WWC1: variants seen among roughly 807,000 people sequenced by gnomAD.
WWC1 encodes WW and C2 domain containing 1.
In WWC1, 55 loss-of-function variants were observed where a neutral mutation model predicts 138.4. The ratio of observed to expected loss-of-function variants is 0.40; its 90% CI spans 0.32 to 0.50. The LOEUF (loss-of-function observed/expected upper bound fraction) is 0.50. Among genes scored for constraint, WWC1 ranks in the 20% least tolerant of loss-of-function variants. The pLI is 0.72. For synonymous variants in WWC1, 524 were observed against 564.9 expected, an observed-to-expected ratio of 0.93 and a Z score of 1.03; for missense variants, 1,226 against 1,420.4, an observed-to-expected ratio of 0.86 and a Z score of 2.20.
chr5:168,332,632 A>G (rs914428979), intron 1 of WWC1, among the ~76,000 whole-genome samples: 2 of 152,180 alleles, frequency 1.3e-5, no homozygotes, highest in Non-Finnish European at 2.9e-5. Context: ...AAGGGTTTGC[A>G]TAGTAGGTGA....
At chr5:168,400,927 CGA>C (rs1286766985) in intron 5 of WWC1, among the ~76,000 whole-genome samples, 1 of 147,386 alleles carries the variant, frequency 6.8e-6, no homozygotes, top group Non-Finnish European at 1.5e-5. Flanking sequence ...GGAAAAAGAA[CGA>C]GAGAGAAAGA....
intron 1 of WWC1, among the ~76,000 whole-genome samples, chr5:168,367,329 A>G (rs112124908): frequency 0.02 from 3,059 of 151,550 alleles, 102 homozygotes; most frequent in African/African-American, 0.069. Flanking sequence ...GTTATTTTTT[A>G]TTTATTTACT....
intron 15 of WWC1, among the ~76,000 whole-genome samples, chr5:168,432,010 G>A (rs984150892): frequency 1.7e-4 from 25 of 148,330 alleles, no homozygotes; most frequent in Admixed American, 6.1e-4. Context: ...TGATCATGCC[G>A]CAGCATTCTG....
intron 3 of WWC1, among the ~76,000 whole-genome samples, chr5:168,389,529 G>A (rs1018867956): frequency 6.6e-6 from 1 of 150,596 alleles, no homozygotes; most frequent in African/African-American, 2.4e-5. Context: ...AGACAACCTG[G>A]GTGTTCTCTA....
At chr5:168,384,006 C>T (rs1227023924) in intron 2 of WWC1, among the ~76,000 whole-genome samples, 1 of 152,092 alleles carries the variant, frequency 6.6e-6, no homozygotes, top group Non-Finnish European at 1.5e-5. Context: ...CCTATTTTCT[C>T]ATCTTTTTGA....
chr5:168,359,302 C>T (rs1342867796), intron 1 of WWC1, among the ~76,000 whole-genome samples: 1 of 152,194 alleles, frequency 6.6e-6, no homozygotes, highest in African/African-American at 2.4e-5. Context: ...GATCCACCCA[C>T]CTCAACGTCC....
At chr5:168,387,949 G>A (rs1778168610) in intron 3 of WWC1, among the ~76,000 whole-genome samples, 1 of 152,144 alleles carries the variant, frequency 6.6e-6, no homozygotes, top group African/African-American at 2.4e-5. Context: ...TTGAAAAAGT[G>A]TCAGGTGTAT....
At chr5:168,347,611 C>T (rs1003746733) in intron 1 of WWC1, among the ~76,000 whole-genome samples, 2 of 152,170 alleles carry the variant, frequency 1.3e-5, no homozygotes, top group African/African-American at 4.8e-5. Flanking sequence ...CTGGGCACAG[C>T]GCTTGGGTTC....
intron 1 of WWC1, among the ~76,000 whole-genome samples, chr5:168,327,103 T>A (rs1331494175): frequency 2.0e-5 from 3 of 152,208 alleles, no homozygotes; most frequent in African/African-American, 7.2e-5. Flanking sequence ...CAATCTCTTG[T>A]TGCAACTACT....
rs1381578753 is a variant in WWC1 at position 168,292,230 on chromosome 5, C to T, written c.78C>T (p.Asp26=). The T allele has an allele frequency of 5.7e-6, 9 of 1,592,582 alleles. No individual in the cohort carries two copies. The Admixed American group carries it at 1.6e-4, about 28-fold the overall frequency. ...RDFDGKVYYI[D]HTNRTTSWID... ...TCGACGGCAAGGTCTACTACATAGA[C>T]CACACGAACCGCACCACCAGCTGGA... The change falls in exon 1 of 23, where the codon GAC becomes GAT. Residue 26 remains aspartate, a synonymous_variant. Coordinates refer to ENST00000265293, the MANE Select transcript of WWC1 (RefSeq NM_015238.3). The surrounding 1 kb of genome is among the most constrained non-coding windows in gnomAD (Gnocchi z 4.4).
At chr5:168,303,757 A>G (rs985227329) in intron 1 of WWC1, among the ~76,000 whole-genome samples, 7 of 152,176 alleles carry the variant, frequency 4.6e-5, no homozygotes, top group African/African-American at 1.7e-4. Flanking sequence ...TCTCAGTGGA[A>G]CTGAGCCAGG....
At chr5:168,467,430 T>G (rs1256697901) in intron 21 of WWC1, among the ~76,000 whole-genome samples, 1 of 152,232 alleles carries the variant, frequency 6.6e-6, no homozygotes, top group East Asian at 1.9e-4. Flanking sequence ...CCAAGCCTCT[T>G]AAGAACTACT....
chr5:168,353,104 G>A lies in WWC1; in HGVS notation c.120-18320G>A, dbSNP rs528618453. 4.6e-5 allele frequency among the ~76,000 whole-genome samples: 7 copies of A among 152,180 alleles called. No individual in the cohort carries two copies. The East Asian group carries it at 5.8e-4, about 13-fold the overall frequency. ...CGGACCTGCATACTCCAAAGCCCAC[G>A]TTCCTTCTACCCCACAGATAGCCTC... On this transcript the variant is annotated intron_variant, in intron 1 of 22. Transcript: ENST00000265293.
intron 1 of WWC1, among the ~76,000 whole-genome samples, chr5:168,319,584 C>G (rs117851019): frequency 6.6e-6 from 1 of 151,920 alleles, no homozygotes; most frequent in South Asian, 2.1e-4. Context: ...TTACTGCAGC[C>G]GCTACTTCCT....
chr5:168,300,104 A>G (rs971580084), intron 1 of WWC1, among the ~76,000 whole-genome samples: 2 of 151,818 alleles, frequency 1.3e-5, no homozygotes, highest in African/African-American at 4.8e-5. Context: ...CTCTCCCAGC[A>G]TGGAGATGGC....
At chr5:168,408,424 G>A (rs1185310914) in intron 6 of WWC1, 83 bp from the exon 7 acceptor site, 26 of 1,511,894 alleles carry the variant, frequency 1.7e-5, no homozygotes, top group Non-Finnish European at 2.3e-5. Context: ...AGGGAGGGTA[G>A]AGAGGGAAGC....
At position 168,454,145 on chromosome 5, in the gene WWC1, C is replaced by A. The variant is rs151130733; in HGVS notation, c.2658+45C>A. On this transcript the variant is annotated intron_variant, in intron 18 of 22. Transcript: ENST00000265293. ...TAGAAGGGCTGTCGTGGGGAAGGAA[C>A]CTTCAATCCTTGTGCCGAGGCAGTC... is the stretch of plus-strand genomic sequence containing the variant. 152 of 1,593,212 alleles carry A rather than the reference C, an allele frequency of 9.5e-5. No individual in the cohort carries two copies. In the East Asian group the frequency reaches 3.1e-3, roughly 32 times the overall value.
At chr5:168,404,051 A>C (rs1165841051) in intron 5 of WWC1, among the ~76,000 whole-genome samples, 1 of 151,938 alleles carries the variant, frequency 6.6e-6, no homozygotes, top group Non-Finnish European at 1.5e-5. Flanking sequence ...CAAATTCCAG[A>C]GGCCGGGTTG....
chr5:168,438,855 TAGTC>T (rs1418878968), intron 15 of WWC1, among the ~76,000 whole-genome samples: 1 of 152,160 alleles, frequency 6.6e-6, no homozygotes, highest in Non-Finnish European at 1.5e-5. Context: ...TGTGAGCTTA[TAGTC>T]AGTCAGGTTA....
Sources: gnomAD v4.1 joint callset for allele counts (sites outside exome capture counted in the v4.1 genomes callset) on GRCh38, gnomAD v4.1.1 for gene constraint, Gnocchi (gnomAD v3.1) non-coding constraint, MANE v1.5 for transcripts, NCBI Gene and HGNC (gene_info 2026-07-23, HGNC 2026-07-21) for gene names.